ZNF483: variants seen among roughly 807,000 people sequenced by gnomAD.
ZNF483 encodes the protein zinc finger protein 483.
A neutral mutation model predicts 28.6 loss-of-function variants in ZNF483; 9 were observed. The observed-to-expected ratio is 0.32, with a 90% CI of 0.19 to 0.55. ZNF483 has a LOEUF of 0.55. Ranked by LOEUF, ZNF483 falls within the 20% of genes least tolerant of loss-of-function variation. The pLI is 0.93. For missense variants in ZNF483, 675 were observed against 871.7 expected, an observed-to-expected ratio of 0.77 and a Z score of 2.84; for synonymous variants, 322 against 306.2, an observed-to-expected ratio of 1.05 and a Z score of -0.54.
At chr9:111,564,731 G>T (rs2132322850) in intron 5 of ZNF483, among the ~76,000 whole-genome samples, 1 of 152,278 alleles carries the variant, frequency 6.6e-6, no homozygotes, top group Admixed American at 6.5e-5. Flanking sequence ...TACTGTTATG[G>T]ACTGAATTGT....
intron 5 of ZNF483, chr9:111,564,225 T>G (rs2146078): frequency 0.065 from 69,749 of 1,075,618 alleles, 2,920 homozygotes; most frequent in East Asian, 0.24. Context: ...ATAGACAAGA[T>G]TATTTGCTTG....
chr9:111,530,778 T>TACATATATATATATATATATATATAC (rs1396432495), intron 2 of ZNF483, 97 bp from the exon 3 acceptor site: 1 of 51,884 alleles, frequency 1.9e-5, no homozygotes, highest in African/African-American at 1.0e-4. Context: ...TATATATATA[T>TACATATATATATATATATATATATAC]ATATATATAT....
downstream of ZNF483, among the ~76,000 whole-genome samples, chr9:111,556,425 C>T (rs1828123607): frequency 6.6e-6 from 1 of 152,206 alleles, no homozygotes; most frequent in South Asian, 2.1e-4. Flanking sequence ...GTAGGGGGCT[C>T]CATCCCCATG....
At chr9:111,532,604 A>G (rs1218276621) in intron 3 of ZNF483, among the ~76,000 whole-genome samples, 1 of 152,230 alleles carries the variant, frequency 6.6e-6, no homozygotes. Flanking sequence ...TCTGGCCTCC[A>G]GAACTGTGAG....
chr9:111,526,389 A>G (rs974896605), intron 1 of ZNF483, among the ~76,000 whole-genome samples: 15 of 152,062 alleles, frequency 9.9e-5, no homozygotes, highest in African/African-American at 3.6e-4. Context: ...CTTTATCGAG[A>G]GACAGTTCGG....
chr9:111,529,642 A>G (rs1827270133), intron 2 of ZNF483, among the ~76,000 whole-genome samples: 2 of 152,254 alleles, frequency 1.3e-5, no homozygotes, highest in African/African-American at 2.4e-5. Context: ...ACAATTCATT[A>G]TTGTTCAAAT....
chr9:111,535,281 CAA>C (rs779990630), intron 5 of ZNF483, among the ~76,000 whole-genome samples: 15 of 152,302 alleles, frequency 9.8e-5, no homozygotes, highest in South Asian at 2.1e-4. Flanking sequence ...CGTATCGAAA[CAA>C]GAGTGTTAAC....
Position 111,543,364 on chromosome 9 carries a change from A to G in ZNF483, c.*194A>G, listed in dbSNP as rs1827720456. ...CTGGTAAACAGTAATTAGTTGGTAA[A>G]GTCACTGGAAAGGGAAGAATGCAAA... On this transcript the variant is annotated 3_prime_UTR_variant, in exon 6 of 6. Transcript: ENST00000309235. 3 of 1,343,540 alleles carry G rather than the reference A, an allele frequency of 2.2e-6. No homozygotes were observed. The highest frequency in any genetic ancestry group is 3.5e-5 in the Admixed American group (1 of 28,586). 83.2% of individuals were successfully genotyped at this position (1,343,540 alleles called of 1,614,324 possible). A position where few individuals can be genotyped will look rare whatever the true frequency, so the allele number is the denominator to read the frequency against.
In ZNF483 at chr9:111,544,348, ATGTGTGTGTGTGTG is replaced by A. The variant is rs111820702; in HGVS notation, c.*1190_*1203del. On this transcript the variant is annotated 3_prime_UTR_variant, in exon 6 of 6. Transcript: ENST00000309235. ...TAACAATTTGCTTGGGTGTGTGTGC[ATGTGTGTGTGTGTG>A]TGTGTGTGTGTATACATTGTTGCCA... The A allele has an allele frequency of 2.1e-6, 2 of 957,628 alleles. No homozygotes were observed. The highest frequency in any genetic ancestry group is 2.5e-6 in the Non-Finnish European group (2 of 806,350). The allele number at this position is 957,628 out of a possible 1,614,324, so 59.3% of individuals were successfully genotyped here. A position where few individuals can be genotyped will look rare whatever the true frequency, so the allele number is the denominator to read the frequency against.
Position 111,549,320 on chromosome 9 carries a change from G to A in ZNF483, c.*6150G>A, listed in dbSNP as rs1010461455. On this transcript the variant is annotated 3_prime_UTR_variant, in exon 6 of 6. Coordinates refer to ENST00000309235, the MANE Select transcript of ZNF483 (RefSeq NM_133464.5). Reference sequence around the variant, plus strand: ...TTCATAAAATGTAGCACATTTTAGGGTTTCTCCCTTGTGTGGAAATGTTAG... The same window carrying A: ...TTCATAAAATGTAGCACATTTTAGGATTTCTCCCTTGTGTGGAAATGTTAG... Among the ~76,000 whole-genome samples the A allele has an allele frequency of 6.6e-6, 1 of 152,104 alleles. No individual in the cohort carries two copies. The highest frequency in any genetic ancestry group is 2.4e-5 in the African/African-American group (1 of 41,422).
chr9:111,549,859 T>G lies in ZNF483; in HGVS notation c.*6689T>G. 1 of 1,079,012 alleles carries G rather than the reference T, an allele frequency of 9.3e-7. No individual in the cohort carries two copies. Among genetic ancestry groups the G allele is most frequent in the Non-Finnish European group, 1.4e-6 (1 of 726,212 alleles). 66.8% of individuals were successfully genotyped at this position (1,079,012 alleles called of 1,614,324 possible). A position where few individuals can be genotyped will look rare whatever the true frequency, so the allele number is the denominator to read the frequency against. ...CATCTTTAAGGCAGTTGCTTTAAAG[T>G]CTGTCTAGTGAGTCAATGTTTGGTC... On this transcript the variant is annotated 3_prime_UTR_variant, in exon 6 of 6. Coordinates refer to ENST00000309235, the MANE Select transcript of ZNF483 (RefSeq NM_133464.5).
chr9:111,528,550 C>T (rs998040774), intron 2 of ZNF483, among the ~76,000 whole-genome samples: 9 of 151,916 alleles, frequency 5.9e-5, no homozygotes, highest in Admixed American at 5.3e-4. Flanking sequence ...AAATTTGTAG[C>T]TATTTATGTT....
chr9:111,555,234 T>C lies in ZNF483; in HGVS notation c.*12064T>C, dbSNP rs141866677. 4.9e-4 allele frequency among the ~76,000 whole-genome samples: 75 copies of C among 152,322 alleles called. No individual in the cohort carries two copies. Among genetic ancestry groups the C allele is most frequent in the African/African-American group, 1.8e-3 (74 of 41,564 alleles). On this transcript the variant is annotated 3_prime_UTR_variant, in exon 6 of 6. Coordinates refer to ENST00000309235, the MANE Select transcript of ZNF483 (RefSeq NM_133464.5). Reference sequence around the variant, plus strand: ...TCTATTTGGCAAAAGATAATGCCTCTCATTTCCTGTGGGAATTGTGGTGAA... The same window carrying C: ...TCTATTTGGCAAAAGATAATGCCTCCCATTTCCTGTGGGAATTGTGGTGAA...
rs1286250865 is a variant in ZNF483, at chr9:111,551,398, TTG to T, written c.*8230_*8231del. Among the ~76,000 whole-genome samples the T allele has an allele frequency of 0.019, 2,325 of 125,158 alleles. 89 individuals carry two copies. Among genetic ancestry groups the T allele is most frequent in the African/African-American group, 0.039 (1,186 of 30,364 alleles). 82.1% of individuals were successfully genotyped at this position (125,158 alleles called of 152,430 possible). On this transcript the variant is annotated 3_prime_UTR_variant, in exon 6 of 6. Transcript: ENST00000309235. Reference sequence around the variant, plus strand: ...AATAACTGAATCAAGTATCCAGTTTTTGTTTTTTTTTTTTTTTTTTTTTTTTT... The same window carrying T: ...AATAACTGAATCAAGTATCCAGTTTTTTTTTTTTTTTTTTTTTTTTTTTTT...
In ZNF483 at chr9:111,547,167, T is replaced by C. The variant is rs1217823298; in HGVS notation, c.*3997T>C. Among the ~76,000 whole-genome samples the C allele has an allele frequency of 6.6e-6, 1 of 152,156 alleles. No homozygotes were observed. Among genetic ancestry groups the C allele is most frequent in the East Asian group, 1.9e-4 (1 of 5,206 alleles). ...ATAATCAGTGGTGCTTTCTGTTCTT[T>C]TAAGTATATGCCTAGAAATAGAATT... On this transcript the variant is annotated 3_prime_UTR_variant, in exon 6 of 6. Coordinates refer to ENST00000309235, the MANE Select transcript of ZNF483 (RefSeq NM_133464.5).
Position 111,543,941 on chromosome 9 carries a change from C to CA in ZNF483, c.*771_*772insA. On this transcript the variant is annotated 3_prime_UTR_variant, in exon 6 of 6. Coordinates refer to ENST00000309235, the MANE Select transcript of ZNF483 (RefSeq NM_133464.5). ...GGTTCCTAGGATGCTGGACTTCTAGCTTAGTGAGAATGCAGTATACTTTTT... is the reference window on the plus strand; with the variant it reads ...GGTTCCTAGGATGCTGGACTTCTAGCATTAGTGAGAATGCAGTATACTTTTT... 1 of 985,224 alleles carries CA rather than the reference C, an allele frequency of 1.0e-6. No individual in the cohort carries two copies. The highest frequency in any genetic ancestry group is 1.2e-6 in the Non-Finnish European group (1 of 829,912). The allele number at this position is 985,224 out of a possible 1,614,324, so 61.0% of individuals were successfully genotyped here.
chr9:111,533,363 T>G (rs1827397753), intron 3 of ZNF483, among the ~76,000 whole-genome samples: 1 of 152,176 alleles, frequency 6.6e-6, no homozygotes, highest in Admixed American at 6.5e-5. Context: ...TCTTAAAAAC[T>G]TGCATGCTAT....
intron 5 of ZNF483, among the ~76,000 whole-genome samples, chr9:111,570,454 C>A (rs1828763594): frequency 6.6e-6 from 1 of 151,962 alleles, no homozygotes; most frequent in Non-Finnish European, 1.5e-5. Context: ...CCTTACATGG[C>A]AAAAAGGACT....
At chr9:111,532,828 G>T (rs1036135872) in intron 3 of ZNF483, among the ~76,000 whole-genome samples, 3 of 151,694 alleles carry the variant, frequency 2.0e-5, no homozygotes, top group African/African-American at 7.3e-5. Flanking sequence ...AGAATCGCTT[G>T]AACCCAGGAG....
Sources: allele counts gnomAD v4.1 joint callset (sites outside exome capture counted in the v4.1 genomes callset), GRCh38; gene constraint gnomAD v4.1.1; transcripts MANE v1.5; gene names NCBI Gene and HGNC (gene_info 2026-07-23, HGNC 2026-07-21).